Variants in WDR75 observed in about 807,000 individuals in gnomAD.
WDR75 encodes WD repeat domain 75.
Under a neutral mutation model 106.1 loss-of-function variants are expected in WDR75, and 52 were observed. That is an observed-to-expected ratio of 0.49 (90% CI 0.39 to 0.62). The LOEUF (loss-of-function observed/expected upper bound fraction) is 0.62, where lower values mean the gene tolerates loss of function less well. Among genes scored for constraint, WDR75 ranks in the 20% least tolerant of loss-of-function variants. WDR75 has a pLI of 0.00. For missense variants in WDR75, 905 were observed against 970.3 expected (o/e 0.93, Z 0.89); for synonymous variants, 333 against 335.5 (o/e 0.99, Z 0.08).
At chr2:189,470,353 G>A (rs931401471) in intron 17 of WDR75, 108 bp downstream of exon 17, 2 of 1,294,300 alleles carry the variant, frequency 1.5e-6, no homozygotes, top group Non-Finnish European at 2.1e-6. Flanking sequence ...CTTCATTAAA[G>A]GATTATTTCC....
At chr2:189,448,664 T>A in intron 2 of WDR75, 156 bp downstream of exon 2, 1 of 917,708 alleles carries the variant, frequency 1.1e-6, no homozygotes, top group Non-Finnish European at 1.7e-6. Context: ...TTACATTGCC[T>A]ATAGCATATT....
intron 1 of WDR75, among the ~76,000 whole-genome samples, chr2:189,446,946 A>T (rs182276304): frequency 1.3e-5 from 2 of 152,322 alleles, no homozygotes; most frequent in East Asian, 3.9e-4. Context: ...AGGATAAACT[A>T]GACAGTTTCT....
intron 9 of WDR75, among the ~76,000 whole-genome samples, chr2:189,463,467 A>G (rs1230171702): frequency 6.6e-6 from 1 of 152,150 alleles, no homozygotes. Flanking sequence ...GGGGTGTCCA[A>G]TCTTTTGGCT....
intron 4 of WDR75, 141 bp downstream of exon 4, chr2:189,452,036 C>T (rs1164882328): frequency 1.6e-6 from 1 of 618,688 alleles, no homozygotes; most frequent in East Asian, 2.8e-5. Flanking sequence ...CATTATTGTG[C>T]TCATTTGGAG....
At chr2:189,469,560 C>T (rs1687074991) in intron 16 of WDR75, 121 bp downstream of exon 16, 2 of 737,720 alleles carry the variant, frequency 2.7e-6, no homozygotes, top group South Asian at 1.7e-5. Context: ...TTGCTTGAGG[C>T]ACGGCCCTTC....
intron 15 of WDR75, among the ~76,000 whole-genome samples, chr2:189,468,983 G>A (rs1245882474): frequency 6.6e-6 from 1 of 152,158 alleles, no homozygotes; most frequent in East Asian, 1.9e-4. Flanking sequence ...ACCCATTTGA[G>A]TGTATGTTTG....
In WDR75 at chr2:189,470,195, G is replaced by A. The variant is rs1336635084; in HGVS notation, c.1939G>A (p.Ala647Thr). 1 of 1,613,348 alleles carries A rather than the reference G, an allele frequency of 6.2e-7. No individual in the cohort carries two copies. The highest frequency in any genetic ancestry group is 8.5e-7 in the Non-Finnish European group (1 of 1,179,536). Residue 647 changes from alanine to threonine, a missense_variant, in exon 17 of 21, where the codon GCT becomes ACT. Ala to Thr is a moderately conservative substitution (Grantham distance 58, BLOSUM62 0). Coordinates refer to ENST00000314761, the MANE Select transcript of WDR75 (RefSeq NM_032168.3). ...RDVPESFTSE[A>T]YQWLNRSQFY... is the part of the protein sequence containing the mutation. Reference sequence around the variant, plus strand: ...TGTCCCTGAATCCTTCACCTCAGAAGCTTACCAGTGGCTAAATAGATCCCA... The same window carrying A: ...TGTCCCTGAATCCTTCACCTCAGAAACTTACCAGTGGCTAAATAGATCCCA...
chr2:189,450,291 A>G, intron 2 of WDR75: 1 of 985,586 alleles, frequency 1.0e-6, no homozygotes, highest in Non-Finnish European at 1.2e-6. Context: ...GGCTAATAAA[A>G]CTGAGTAAGC....
chr2:189,470,788 G>T, intron 17 of WDR75, 31 bp from the exon 18 acceptor site: 1 of 1,547,752 alleles, frequency 6.5e-7, no homozygotes, highest in Non-Finnish European at 8.7e-7. Flanking sequence ...TCTACAGTTT[G>T]TCTTTTGCAT....
At position 189,463,980 on chromosome 2, in the gene WDR75, G is replaced by A; in HGVS notation, c.1113+19G>A. On this transcript the variant is annotated intron_variant, in intron 11 of 20. Transcript: ENST00000314761. The stretch of plus-strand genomic sequence containing the variant: ...ATACAATGTAAGATTTTGATCATTA[G>A]CCTTGAAATTAATGAAAGCTCTTTA... The A allele has an allele frequency of 6.2e-7, 1 of 1,600,200 alleles. No individual in the cohort carries two copies. The highest frequency in any genetic ancestry group is 8.6e-7 in the Non-Finnish European group (1 of 1,169,420).
chr2:189,464,633 T>G (rs2105568131), intron 11 of WDR75, among the ~76,000 whole-genome samples: 1 of 152,276 alleles, frequency 6.6e-6, no homozygotes, highest in South Asian at 2.1e-4. Flanking sequence ...AAAACAACCA[T>G]AAATAAATGC....
At chr2:189,449,358 T>C (rs750583913) in intron 2 of WDR75, 38 of 1,294,430 alleles carry the variant, frequency 2.9e-5, no homozygotes, top group Non-Finnish European at 3.9e-5. Flanking sequence ...AATGAGCTAC[T>C]TCTAAAAATC....
intron 12 of WDR75, among the ~76,000 whole-genome samples, chr2:189,466,150 G>A (rs1156998359): frequency 1.3e-5 from 2 of 152,060 alleles, no homozygotes; most frequent in Non-Finnish European, 2.9e-5. Context: ...TCATTGATTG[G>A]TGACCTGTAT....
Position 189,457,366 on chromosome 2 carries a change from A to G in WDR75, c.554A>G (p.Lys185Arg), listed in dbSNP as rs907651912. The change falls in exon 6 of 21, where the codon AAG (lysine) becomes AGG (arginine). Residue 185 changes from lysine to arginine, a missense_variant. Lys to Arg is a conservative substitution (Grantham distance 26). Coordinates refer to ENST00000314761, the MANE Select transcript of WDR75 (RefSeq NM_032168.3). ...EFYLSVYFFKKKTTSRFTLSS... is the reference protein window; with the variant it reads ...EFYLSVYFFKRKTTSRFTLSS... ...TACTTGTCTGTTTATTTTTTCAAAA[A>G]GAAAACAACATCAAGGTAAGAATTA... is the stretch of plus-strand genomic sequence containing the variant. 4 of 1,595,244 alleles carry G rather than the reference A, an allele frequency of 2.5e-6. No homozygotes were observed. In the African/African-American group the frequency reaches 4.0e-5, roughly 16 times the overall value.
intron 1 of WDR75, among the ~76,000 whole-genome samples, chr2:189,443,833 ACT>A (rs780400774): frequency 5.3e-5 from 8 of 152,108 alleles, no homozygotes; most frequent in African/African-American, 1.9e-4. Flanking sequence ...GCAGGAAAAG[ACT>A]CTGGAAGAAT....
intron 15 of WDR75, 102 bp from the exon 16 acceptor site, chr2:189,469,238 TGTTA>T: frequency 2.5e-6 from 2 of 816,130 alleles, no homozygotes; most frequent in South Asian, 2.9e-5. Flanking sequence ...TCTCCATGTG[TGTTA>T]GTTGGAAGCA....
chr2:189,451,913 T>C lies in WDR75; in HGVS notation c.373+18T>C. 6.3e-7 allele frequency: 1 copy of C among 1,589,662 alleles called. No homozygotes were observed. Among genetic ancestry groups the C allele is most frequent in the Non-Finnish European group, 8.6e-7 (1 of 1,159,674 alleles). ...AAAACCAGGTATGGTATAATTAACTTACTATATATGGCATTGAGTGGCTCT... is the reference window on the plus strand; with the variant it reads ...AAAACCAGGTATGGTATAATTAACTCACTATATATGGCATTGAGTGGCTCT... On this transcript the variant is annotated intron_variant, in intron 4 of 20. Transcript: ENST00000314761.
chr2:189,450,444 C>A (rs1248258835), intron 2 of WDR75: 5 of 870,452 alleles, frequency 5.7e-6, no homozygotes, highest in Non-Finnish European at 6.9e-6. Flanking sequence ...CTCACTGCAA[C>A]CTCAGCCTCC....
chr2:189,454,758 T>C (rs113844222), intron 4 of WDR75, among the ~76,000 whole-genome samples: 9,817 of 152,014 alleles, frequency 0.065, 490 homozygotes, highest in African/African-American at 0.14. Flanking sequence ...CTCCTGACCT[T>C]GTGATCCACC....
Sources: gnomAD v4.1 joint callset for allele counts (sites outside exome capture counted in the v4.1 genomes callset) on GRCh38, gnomAD v4.1.1 for gene constraint, MANE v1.5 for transcripts, NCBI Gene and HGNC (gene_info 2026-07-23, HGNC 2026-07-21) for gene names.